The following CBR4 variants were observed in gnomAD, a reference collection of about 807,000 sequenced individuals.
CBR4 encodes the protein 3-oxoacyl-[acyl-carrier-protein] reductase.
CBR4 carries 22 observed loss-of-function variants against 21.0 expected under a neutral mutation model. The observed-to-expected ratio is 1.05, with a 90% confidence interval of 0.75 to 1.50. The LOEUF is 1.50. CBR4 is among the 40% of genes most tolerant of loss of function. CBR4 has a pLI of 0.00. For missense variants in CBR4, 302 were observed against 286.3 expected (o/e 1.05, Z -0.40); for synonymous variants, 100 against 104.4 (o/e 0.96, Z 0.26).
intron 2 of CBR4, among the ~76,000 whole-genome samples, chr4:168,937,081 AG>A (rs1462110269): frequency 6.6e-6 from 1 of 152,224 alleles, no homozygotes; most frequent in Non-Finnish European, 1.5e-5. Context: ...GTTACCCACA[AG>A]AGGAAGCCCA....
intron 2 of CBR4, chr4:168,926,344 C>G: frequency 6.5e-7 from 1 of 1,537,378 alleles, no homozygotes; most frequent in African/African-American, 1.4e-5. Context: ...CCCATCTCAC[C>G]TGACACTGAA....
In CBR4 at chr4:168,990,329, C is replaced by A; in HGVS notation, c.536-1G>T. 1 of 1,586,110 alleles carries A rather than the reference C, an allele frequency of 6.3e-7. No homozygotes were observed. Among genetic ancestry groups the A allele is most frequent in the Admixed American group, 1.8e-5 (1 of 56,264 alleles). ...TTCGTCATATCTGTGTGTACAAATC[C>A]TAAAAGAGAAATGTTTGTTTAGTTG... On this transcript the variant is annotated splice_acceptor_variant, in intron 4 of 4. Coordinates refer to ENST00000306193, the MANE Select transcript of CBR4 (RefSeq NM_032783.5). LOFTEE classifies it high-confidence loss of function.
chr4:168,935,105 G>A (rs1368622671), intron 2 of CBR4, among the ~76,000 whole-genome samples: 1 of 152,212 alleles, frequency 6.6e-6, no homozygotes, highest in Non-Finnish European at 1.5e-5. Flanking sequence ...TGGTTAGATA[G>A]TGGGTGCAGC....
rs760996154 is a variant in CBR4 at position 168,924,382 on chromosome 4, A to G, written n.170-29617T>C. 2.3e-5 allele frequency: 37 copies of G among 1,613,964 alleles called. No individual in the cohort carries two copies. The highest frequency in any genetic ancestry group is 3.1e-5 in the Non-Finnish European group (37 of 1,179,960). On this transcript the variant is annotated intron_variant and non_coding_transcript_variant, in intron 2 of 3. Transcript: ENST00000509108. Reference sequence around the variant, plus strand: ...CACCACCTCAGATATTTTGGAAGAAAGAAAATGAATCACTCACTCACAGCA... The same window carrying G: ...CACCACCTCAGATATTTTGGAAGAAGGAAAATGAATCACTCACTCACAGCA...
At chr4:168,968,427 G>A (rs939524870) in intron 2 of CBR4, among the ~76,000 whole-genome samples, 10 of 152,194 alleles carry the variant, frequency 6.6e-5, no homozygotes, top group African/African-American at 2.4e-4. Flanking sequence ...AGTTGATACA[G>A]CCCTAGGGCA....
intron 2 of CBR4, among the ~76,000 whole-genome samples, chr4:168,974,063 G>T (rs145540214): frequency 1.8e-3 from 268 of 152,226 alleles, no homozygotes; most frequent in African/African-American, 6.1e-3. Flanking sequence ...TGTATTTCAA[G>T]ATTTTCTTTC....
chr4:168,970,865 T>C (rs535573690), intron 2 of CBR4, among the ~76,000 whole-genome samples: 1 of 152,220 alleles, frequency 6.6e-6, no homozygotes, highest in African/African-American at 2.4e-5. Context: ...ATTTTCTTCA[T>C]CTACTCGTTG....
chr4:168,962,364 T>A (rs1763887918), intron 2 of CBR4, among the ~76,000 whole-genome samples: 2 of 152,336 alleles, frequency 1.3e-5, no homozygotes, highest in Admixed American at 6.5e-5. Flanking sequence ...TTTCCAAGTC[T>A]GGACCACGTC....
chr4:168,909,228 T>C lies in CBR4; in HGVS notation n.170-14463A>G, dbSNP rs116469660. Among the ~76,000 whole-genome samples the C allele has an allele frequency of 4.5e-3, 685 of 152,322 alleles. 8 individuals are homozygous for C. Among genetic ancestry groups the C allele is most frequent in the African/African-American group, 0.016 (653 of 41,586 alleles). Reference sequence around the variant, plus strand: ...GTTGTGTTGCTAAGTTACTTTGTATTGCACTTGGATTTTGGAATGGCTATT... The same window carrying C: ...GTTGTGTTGCTAAGTTACTTTGTATCGCACTTGGATTTTGGAATGGCTATT... On this transcript the variant is annotated intron_variant and non_coding_transcript_variant, in intron 2 of 3. Coordinates refer to the CBR4 transcript ENST00000509108.
intron 2 of CBR4, among the ~76,000 whole-genome samples, chr4:168,966,295 C>T (rs10027483): frequency 0.69 from 101,283 of 146,542 alleles, 36,023 homozygotes; most frequent in East Asian, 0.95. Flanking sequence ...GGGCGGACCA[C>T]GAGGTCAGGA....
intron 2 of CBR4, among the ~76,000 whole-genome samples, chr4:168,971,966 A>C (rs1336272974): frequency 6.6e-6 from 1 of 152,210 alleles, no homozygotes; most frequent in African/African-American, 2.4e-5. Flanking sequence ...ATTTTTGTAT[A>C]AGGTGAGAGA....
chr4:168,920,281 T>C (rs1019592465), intron 2 of CBR4, among the ~76,000 whole-genome samples: 1 of 152,218 alleles, frequency 6.6e-6, no homozygotes, highest in African/African-American at 2.4e-5. Flanking sequence ...TTCCAAAACC[T>C]CTTCATCCTT....
At chr4:168,976,986 T>C (rs1764391909) in intron 2 of CBR4, among the ~76,000 whole-genome samples, 1 of 152,350 alleles carries the variant, frequency 6.6e-6, no homozygotes, top group Middle Eastern at 3.4e-3. Flanking sequence ...GGAAGCCAAC[T>C]TTTCCCCCCT....
chr4:168,933,032 AGAAAG>A (rs1763011823), intron 2 of CBR4, among the ~76,000 whole-genome samples: 1 of 152,152 alleles, frequency 6.6e-6, no homozygotes. Flanking sequence ...AAAGAGAAAG[AGAAAG>A]GAATCAAACC....
chr4:168,921,876 G>A, intron 2 of CBR4: 1 of 767,142 alleles, frequency 1.3e-6, no homozygotes, highest in Admixed American at 2.0e-5. Context: ...AATAGCCAAT[G>A]AGGACATGGT....
At chr4:168,970,946 A>C (rs1213945091) in intron 2 of CBR4, among the ~76,000 whole-genome samples, 1 of 152,120 alleles carries the variant, frequency 6.6e-6, no homozygotes, top group Non-Finnish European at 1.5e-5. Flanking sequence ...ATGCGTGTGC[A>C]TGTGTCTTTT....
At chr4:168,993,186 TTC>T (rs924347426) in intron 4 of CBR4, among the ~76,000 whole-genome samples, 8 of 152,154 alleles carry the variant, frequency 5.3e-5, no homozygotes, top group African/African-American at 1.7e-4. Context: ...GTCCAAAGTT[TTC>T]TGTCTTTAGA....
At position 168,977,771 on chromosome 4, in the gene CBR4, G is replaced by C. The variant is rs140451796; in HGVS notation, n.169+24300C>G. On this transcript the variant is annotated intron_variant and non_coding_transcript_variant, in intron 2 of 3. Transcript: ENST00000509108. ...CCTGCTCTTATGCAGTGTTTTTTGC[G>C]AATGGCGCCACCACTCATCCAGATT... 2.0e-5 allele frequency among the ~76,000 whole-genome samples: 3 copies of C among 152,098 alleles called. No homozygotes were observed. The South Asian group carries it at 6.2e-4, about 32-fold the overall frequency.
At chr4:168,903,125 C>T (rs28407784) in intron 2 of CBR4, among the ~76,000 whole-genome samples, 1,718 of 152,244 alleles carry the variant, frequency 0.011, 48 homozygotes, top group African/African-American at 0.039. Flanking sequence ...TTCAATACTA[C>T]TGTGTTTTCT....
Sources: allele counts gnomAD v4.1 joint callset (sites outside exome capture counted in the v4.1 genomes callset), GRCh38; gene constraint gnomAD v4.1.1; transcripts MANE v1.5; gene names NCBI Gene and HGNC (gene_info 2026-07-23, HGNC 2026-07-21).